CTNNA2: variants seen among roughly 807,000 people sequenced by gnomAD.
The protein encoded by CTNNA2 is catenin alpha-2.
CTNNA2 carries 42 observed loss-of-function variants against 101.0 expected under a neutral mutation model. The ratio of observed to expected loss-of-function variants is 0.42; its 90% confidence interval spans 0.32 to 0.54. The LOEUF is 0.54. CTNNA2 is among the 20% of genes least tolerant of loss of function. The pLI, the probability that CTNNA2 is intolerant of heterozygous loss-of-function variation, is 0.14. For synonymous variants in CTNNA2, 450 were observed against 456.4 expected, an observed-to-expected ratio of 0.99 and a Z score of 0.18; for missense variants, 871 against 1,223.1, an observed-to-expected ratio of 0.71 and a Z score of 4.29.
intron 3 of CTNNA2, among the ~76,000 whole-genome samples, chr2:79,368,571 T>C (rs1448085725): frequency 6.6e-6 from 1 of 152,212 alleles, no homozygotes; most frequent in Non-Finnish European, 1.5e-5. Context: ...ACAACACTGA[T>C]GCTTCCCCCG....
At chr2:80,257,634 A>G (rs919554787) in intron 7 of CTNNA2, among the ~76,000 whole-genome samples, 2 of 152,200 alleles carry the variant, frequency 1.3e-5, no homozygotes, top group South Asian at 2.1e-4. Flanking sequence ...GGATTCATCA[A>G]TCCATGGATG....
At chr2:80,641,701 C>T (rs973350505) in intron 18 of CTNNA2, among the ~76,000 whole-genome samples, 3 of 152,030 alleles carry the variant, frequency 2.0e-5, no homozygotes, top group Admixed American at 6.6e-5. Context: ...TAACTATTCC[C>T]TACTTAACCA....
intron 4 of CTNNA2, among the ~76,000 whole-genome samples, chr2:79,463,919 T>G (rs1194550015): frequency 6.6e-6 from 1 of 152,018 alleles, no homozygotes; most frequent in Admixed American, 6.6e-5. Context: ...CATTGCCTTA[T>G]GTAAAGATAG....
At chr2:79,494,671 A>G (rs976977732) in intron 4 of CTNNA2, among the ~76,000 whole-genome samples, 1 of 152,170 alleles carries the variant, frequency 6.6e-6, no homozygotes, top group Non-Finnish European at 1.5e-5. Flanking sequence ...GATTATAGAT[A>G]TATATGGAAT....
chr2:79,450,570 A>G (rs1678881378), intron 4 of CTNNA2, among the ~76,000 whole-genome samples: 1 of 152,086 alleles, frequency 6.6e-6, no homozygotes, highest in Admixed American at 6.6e-5. Context: ...GAATCAAGTT[A>G]TAATAGACAT....
At chr2:80,462,631 CT>C (rs753815778) in intron 9 of CTNNA2, among the ~76,000 whole-genome samples, 352 of 94,768 alleles carry the variant, frequency 3.7e-3, no homozygotes, top group South Asian at 0.015. Flanking sequence ...TTCTTTCTTT[CT>C]TTTTTTTTTT....
At chr2:79,928,226 C>T (rs1212973292) in intron 7 of CTNNA2, among the ~76,000 whole-genome samples, 1 of 152,090 alleles carries the variant, frequency 6.6e-6, no homozygotes, top group African/African-American at 2.4e-5. Context: ...TGGAGCCTTC[C>T]TTTAGGTTGT....
At chr2:80,577,464 G>A (rs1038041292) in intron 13 of CTNNA2, among the ~76,000 whole-genome samples, 1 of 152,096 alleles carries the variant, frequency 6.6e-6, no homozygotes, top group Non-Finnish European at 1.5e-5. Flanking sequence ...TTGACCTAGA[G>A]ACCTAAGGAC....
intron 4 of CTNNA2, among the ~76,000 whole-genome samples, chr2:79,438,828 C>T (rs1678747049): frequency 6.6e-6 from 1 of 152,198 alleles, no homozygotes; most frequent in African/African-American, 2.4e-5. Context: ...TGCTCAGTAT[C>T]ATTAGTCTTT....
rs78083351 is a variant in CTNNA2, at chr2:80,636,337, T to A, written c.2575-11248T>A. Among the ~76,000 whole-genome samples the A allele has an allele frequency of 2.0e-5, 3 of 152,154 alleles. No homozygotes were observed. In the East Asian group the frequency reaches 5.8e-4, roughly 29 times the overall value. On this transcript the variant is annotated intron_variant, in intron 18 of 18. Coordinates refer to ENST00000402739, the MANE Select transcript of CTNNA2 (RefSeq NM_001282597.3). The stretch of plus-strand genomic sequence containing the variant: ...AGACCGAATAAAAGATTAAAAATTA[T>A]GCATTTATAACCCACTTTGTAGCAA...
intron 7 of CTNNA2, among the ~76,000 whole-genome samples, chr2:80,324,723 C>T (rs1213704968): frequency 6.6e-6 from 1 of 151,582 alleles, no homozygotes; most frequent in East Asian, 1.9e-4. Flanking sequence ...GGACCTTGAC[C>T]ACCTCCCTCC....
At chr2:79,360,139 T>C (rs895275616) in intron 3 of CTNNA2, among the ~76,000 whole-genome samples, 1 of 152,158 alleles carries the variant, frequency 6.6e-6, no homozygotes, top group Non-Finnish European at 1.5e-5. Context: ...CAAATATAAT[T>C]AAGCTACTAT....
At chr2:79,319,565 A>C (rs927565253) in intron 3 of CTNNA2, 2 of 152,048 alleles carry the variant, frequency 1.3e-5, no homozygotes, top group African/African-American at 2.4e-5. Context: ...TTTATTTAAA[A>C]AAAAAAGCAG....
At chr2:80,451,012 T>A (rs777254426) in intron 9 of CTNNA2, among the ~76,000 whole-genome samples, 9 of 152,116 alleles carry the variant, frequency 5.9e-5, no homozygotes, top group Non-Finnish European at 1.2e-4. Flanking sequence ...CCCTGTCTCA[T>A]TTTGGAAGAA....
chr2:79,896,065 C>G (rs1684693749), intron 6 of CTNNA2, among the ~76,000 whole-genome samples: 1 of 151,970 alleles, frequency 6.6e-6, no homozygotes, highest in Non-Finnish European at 1.5e-5. Context: ...GGTGGATCGC[C>G]TGAGTCTGGG....
intron 7 of CTNNA2, among the ~76,000 whole-genome samples, chr2:79,910,741 A>G (rs1275285322): frequency 5.9e-5 from 9 of 152,206 alleles, no homozygotes; most frequent in Non-Finnish European, 1.2e-4. Context: ...AGGTATTATT[A>G]GAACACCCCG....
chr2:80,197,778 G>A (rs1019164420), intron 7 of CTNNA2, among the ~76,000 whole-genome samples: 1 of 152,162 alleles, frequency 6.6e-6, no homozygotes, highest in African/African-American at 2.4e-5. Flanking sequence ...ATGTAGACAA[G>A]TCTCAGTAAT....
intron 7 of CTNNA2, among the ~76,000 whole-genome samples, chr2:80,133,527 G>A (rs1346837402): frequency 1.3e-5 from 2 of 152,090 alleles, no homozygotes; most frequent in African/African-American, 2.4e-5. Flanking sequence ...ATAGAGTAAA[G>A]GAATGTTGAA....
chr2:79,631,793 A>G (rs1019073057), intron 1 of CTNNA2, among the ~76,000 whole-genome samples: 1 of 152,298 alleles, frequency 6.6e-6, no homozygotes, highest in African/African-American at 2.4e-5. Context: ...GGACCAAACC[A>G]CTTGCTCCTT....
Sources: gnomAD v4.1 joint callset for allele counts (sites outside exome capture counted in the v4.1 genomes callset) on GRCh38, gnomAD v4.1.1 for gene constraint, MANE v1.5 for transcripts, NCBI Gene and HGNC (gene_info 2026-07-23, HGNC 2026-07-21) for gene names.